The following GRIK5 variants were observed in gnomAD, a reference collection of about 807,000 sequenced individuals.
GRIK5 encodes the protein glutamate receptor ionotropic, kainate 5.
In GRIK5, 43 loss-of-function variants were observed where a neutral mutation model predicts 97.4. The observed-to-expected ratio is 0.44, with a 90% CI of 0.35 to 0.57. The LOEUF is 0.57. Among genes scored for constraint, GRIK5 ranks in the 20% least tolerant of loss-of-function variants. GRIK5 has a pLI of 0.01. For missense variants in GRIK5, 1,015 were observed against 1,382.0 expected, an observed-to-expected ratio of 0.73 and a Z score of 4.21; for synonymous variants, 580 against 583.5, an observed-to-expected ratio of 0.99 and a Z score of 0.09.
At chr19:42,034,875 G>A (rs982050926) in intron 12 of GRIK5, among the ~76,000 whole-genome samples, 4 of 151,280 alleles carry the variant, frequency 2.6e-5, no homozygotes, top group African/African-American at 7.3e-5. Flanking sequence ...CGGGAAGGAG[G>A]GGACAAGGAG....
chr19:42,033,949 G>A (rs565814636), intron 12 of GRIK5, among the ~76,000 whole-genome samples: 4 of 152,250 alleles, frequency 2.6e-5, no homozygotes, highest in Admixed American at 6.5e-5. Context: ...GCAGTGAGCC[G>A]TGGTCGTGCC....
chr19:42,029,841 A>G (rs1329424952), intron 12 of GRIK5, among the ~76,000 whole-genome samples: 1 of 152,068 alleles, frequency 6.6e-6, no homozygotes, highest in Non-Finnish European at 1.5e-5. Flanking sequence ...GCACATCCCA[A>G]TGTGGTATGA....
intron 15 of GRIK5, among the ~76,000 whole-genome samples, chr19:42,008,516 A>T (rs181912606): frequency 2.0e-3 from 299 of 152,280 alleles, no homozygotes; most frequent in Admixed American, 3.9e-3. Context: ...GATCCCAGCT[A>T]CTTGGGAGGC....
At chr19:42,063,216 A>C (rs2076284474) in intron 3 of GRIK5, 2 of 466,896 alleles carry the variant, frequency 4.3e-6, no homozygotes, top group Non-Finnish European at 8.5e-6. Context: ...CCCACGGTGC[A>C]CTCACCACCT....
At position 42,003,901 on chromosome 19, in the gene GRIK5, C is replaced by G; in HGVS notation, c.2264-218G>C. ...TCAGAGGCCATACCTTTCCTGTGCT[C>G]AGGACTCTCCATGGCTTCCTGTTGC... On this transcript the variant is annotated intron_variant, in intron 17 of 19. Transcript: ENST00000593562. This position sits in a 1 kb window ranked among gnomAD's most constrained non-coding sequence, Gnocchi z 4.2. 1 of 511,600 alleles carries G rather than the reference C, an allele frequency of 2.0e-6. No homozygotes were observed. Among genetic ancestry groups the G allele is most frequent in the South Asian group, 3.4e-5 (1 of 29,650 alleles). 31.7% of individuals were successfully genotyped at this position (511,600 alleles called of 1,614,324 possible). A position where few individuals can be genotyped will look rare whatever the true frequency, so the allele number is the denominator to read the frequency against.
chr19:42,005,905 T>C lies in GRIK5; in HGVS notation c.2081A>G (p.Gln694Arg). The C allele has an allele frequency of 6.2e-7, 1 of 1,606,732 alleles. No individual in the cohort carries two copies. The highest frequency in any genetic ancestry group is 8.5e-7 in the Non-Finnish European group (1 of 1,174,850). ...QTYQRMWNYM[Q>R]SKQPSVFVKS... ...GACGAACACGCTGGGCTGCTTCGAC[T>C]GCATGTAGTTCCACATGCGCTGGTA... is the stretch of plus-strand genomic sequence containing the variant. Residue 694 changes from glutamine (Q) to arginine (R), a missense_variant, in exon 17 of 20, where the codon CAG becomes CGG. Gln to Arg is a conservative substitution (Grantham distance 43, BLOSUM62 1). Around this residue, in one of 5 missense-constraint regions of GRIK5, gnomAD observed 229 missense variants for 341.0 expected, o/e 0.67. Transcript: ENST00000593562.
chr19:42,020,889 A>G (rs529576908), intron 15 of GRIK5, among the ~76,000 whole-genome samples: 1 of 152,144 alleles, frequency 6.6e-6, no homozygotes, highest in Admixed American at 6.5e-5. Flanking sequence ...TCATTCTTTT[A>G]TTTATTTATT....
In GRIK5 at chr19:42,042,600, G is replaced by A. The variant is rs552774865; in HGVS notation, c.1425C>T (p.Pro475=). 8.2e-5 allele frequency: 132 copies of A among 1,612,382 alleles called. 1 individual carries two copies. In the South Asian group the frequency reaches 1.3e-3, roughly 15 times the overall value. The change falls in exon 12 of 20, where the codon CCC becomes CCT. Residue 475 remains proline (P), a synonymous_variant. Coordinates refer to ENST00000593562, the MANE Select transcript of GRIK5 (RefSeq NM_002088.5). This position sits in a 1 kb window ranked among gnomAD's most constrained non-coding sequence, Gnocchi z 6.9. ...RLVEDGLYGA[P]EPNGSWTGMV... ...TGCCCGTCCAGGAGCCGTTGGGCTC[G>A]GGCGCCCCGTACAGCCCATCCTCCA...
intron 11 of GRIK5, among the ~76,000 whole-genome samples, chr19:42,044,413 C>T (rs954107753): frequency 1.3e-5 from 2 of 152,164 alleles, no homozygotes; most frequent in African/African-American, 4.8e-5. Context: ...GTCAGTTTGC[C>T]ACATTGACGC....
Position 42,065,364 on chromosome 19 carries a change from C to T in GRIK5, c.103G>A (p.Val35Met), listed in dbSNP as rs1599856816. Reference sequence around the variant, plus strand: ...GCCAGACGCTCACCGCGGCCACACACTGTCTGATCATCCAGGATTGCAGCT... The same window carrying T: ...GCCAGACGCTCACCGCGGCCACACATTGTCTGATCATCCAGGATTGCAGCT... ...RMAAILDDQT[V>M]CGRGERLALA... Residue 35 changes from valine to methionine, a missense_variant, in exon 3 of 20, where the codon GTG becomes ATG. By Grantham distance (21) the Val-to-Met change is conservative (BLOSUM62 1). Transcript: ENST00000593562. This position sits in a 1 kb window ranked among gnomAD's most constrained non-coding sequence, Gnocchi z 5.8. The T allele has an allele frequency of 1.9e-6, 3 of 1,597,122 alleles. No homozygotes were observed. Among genetic ancestry groups the T allele is most frequent in the African/African-American group, 1.3e-5 (1 of 74,738 alleles).
At chr19:42,001,325 T>C (rs186369716) in intron 19 of GRIK5, among the ~76,000 whole-genome samples, 1 of 152,328 alleles carries the variant, frequency 6.6e-6, no homozygotes, top group East Asian at 1.9e-4. Context: ...ACCTCCCAGA[T>C]TCAAGTAATT....
chr19:42,066,530 C>T (rs1160557816), intron 1 of GRIK5, among the ~76,000 whole-genome samples: 1 of 148,978 alleles, frequency 6.7e-6, no homozygotes, highest in Admixed American at 6.7e-5. Flanking sequence ...GAAAGAGAGG[C>T]TTAGAGAAGG....
rs150986558 is a variant in GRIK5, at chr19:42,015,090, A to T, written c.1871+6211T>A. On this transcript the variant is annotated intron_variant, in intron 15 of 19. Transcript: ENST00000593562. ...AGACATTATATAATGACATGGGTCAATTCACCTAGAGGACATAAGAGTCCT... is the reference window on the plus strand; with the variant it reads ...AGACATTATATAATGACATGGGTCATTTCACCTAGAGGACATAAGAGTCCT... 9.0e-4 allele frequency among the ~76,000 whole-genome samples: 137 copies of T among 152,352 alleles called. 1 individual carries two copies. The highest frequency in any genetic ancestry group is 7.0e-3 in the South Asian group (34 of 4,826).
chr19:42,020,811 T>G (rs980396481), intron 15 of GRIK5, among the ~76,000 whole-genome samples: 2 of 152,224 alleles, frequency 1.3e-5, no homozygotes, highest in African/African-American at 2.4e-5. Context: ...TTGTTTAGCA[T>G]GTCATCAAGA....
intron 15 of GRIK5, among the ~76,000 whole-genome samples, chr19:42,010,433 G>A (rs1555873738): frequency 6.6e-6 from 1 of 152,112 alleles, no homozygotes; most frequent in Non-Finnish European, 1.5e-5. Flanking sequence ...TAGAAGGGGG[G>A]AAACATATTA....
chr19:42,049,454 CAAT>C (rs938671155), intron 11 of GRIK5, among the ~76,000 whole-genome samples: 38 of 152,278 alleles, frequency 2.5e-4, no homozygotes, highest in Admixed American at 1.6e-3. Flanking sequence ...CAACATACAA[CAAT>C]GAGACTACAC....
At chr19:42,063,662 A>G (rs933764689) in intron 3 of GRIK5, 1 of 232,734 alleles carries the variant, frequency 4.3e-6, no homozygotes, top group African/African-American at 2.3e-5. Context: ...CCACCAGTTG[A>G]GAGAGCATTT....
In GRIK5 at chr19:42,065,648, C is replaced by A; in HGVS notation, c.79+44G>T. ...GGCATGCCTGGGTCCCCAGAGGAGC[C>A]CCAGGGCCTGAGGATGCAGGGGCAG... On this transcript the variant is annotated intron_variant, in intron 2 of 19. Transcript: ENST00000593562. This position sits in a 1 kb window ranked among gnomAD's most constrained non-coding sequence, Gnocchi z 5.8. The A allele has an allele frequency of 1.4e-6, 2 of 1,481,360 alleles. No individual in the cohort carries two copies. Among genetic ancestry groups the A allele is most frequent in the South Asian group, 1.3e-5 (1 of 79,556 alleles). 91.8% of individuals were successfully genotyped at this position (1,481,360 alleles called of 1,614,324 possible).
rs2075991353 is a variant in GRIK5 at position 42,042,595 on chromosome 19, G to A, written c.1430C>T (p.Pro477Leu). Residue 477 changes from proline to leucine, a missense_variant, in exon 12 of 20, where the codon CCC becomes CTC. Physicochemically the swap from Pro to Leu is moderately conservative, Grantham distance 98. This residue lies in a region of GRIK5 where 477 missense variants were observed against 701.1 expected (regional missense o/e 0.68). Transcript: ENST00000593562. This position sits in a 1 kb window ranked among gnomAD's most constrained non-coding sequence, Gnocchi z 6.9. ...VEDGLYGAPE[P>L]NGSWTGMVGE... ...AACCATGCCCGTCCAGGAGCCGTTG[G>A]GCTCGGGCGCCCCGTACAGCCCATC... 1 of 1,612,330 alleles carries A rather than the reference G, an allele frequency of 6.2e-7. No individual in the cohort carries two copies. The highest frequency in any genetic ancestry group is 8.5e-7 in the Non-Finnish European group (1 of 1,179,882).
Sources: gnomAD v4.1 joint callset for allele counts (sites outside exome capture counted in the v4.1 genomes callset) on GRCh38, gnomAD v4.1.1 for gene constraint, gnomAD v4.1.1 regional missense constraint, Gnocchi (gnomAD v3.1) non-coding constraint, MANE v1.5 for transcripts, NCBI Gene and HGNC (gene_info 2026-07-23, HGNC 2026-07-21) for gene names.